The following EARS2 variants were observed in gnomAD, a reference collection of about 807,000 sequenced individuals.
EARS2 encodes the protein nondiscriminating glutamyl-tRNA synthetase EARS2, mitochondrial.
Under a neutral mutation model 54.1 loss-of-function variants are expected in EARS2, and 50 were observed. The ratio of observed to expected loss-of-function variants is 0.92; its 90% CI spans 0.74 to 1.17. EARS2 has a LOEUF of 1.17. Among genes scored for constraint, EARS2 ranks in the 50% most tolerant of loss-of-function variants. EARS2 has a pLI of 0.00. For missense variants in EARS2, 673 were observed against 675.0 expected (o/e 1.00, Z 0.03); for synonymous variants, 298 against 281.0 (o/e 1.06, Z -0.61).
At chr16:23,536,682 C>CTTTTTTTTTTT (rs953231916) in intron 3 of EARS2, among the ~76,000 whole-genome samples, 3 of 113,490 alleles carry the variant, frequency 2.6e-5, no homozygotes, top group Non-Finnish European at 3.8e-5. Context: ...CTTTTTTTTT[C>CTTTTTTTTTTT]TTTTTTTTTT....
intron 2 of EARS2, among the ~76,000 whole-genome samples, chr16:23,546,052 G>C (rs558424224): frequency 2.8e-4 from 43 of 152,328 alleles, no homozygotes; most frequent in African/African-American, 1.0e-3. Flanking sequence ...CTCCTGTGCA[G>C]AGGGAATTGT....
At chr16:23,526,742 G>A (rs2142161313) in intron 7 of EARS2, among the ~76,000 whole-genome samples, 2 of 152,196 alleles carry the variant, frequency 1.3e-5, no homozygotes, top group East Asian at 3.9e-4. Flanking sequence ...AAGCCTCTAG[G>A]ATTCCAGCGG....
At position 23,524,432 on chromosome 16, in the gene EARS2, A is replaced by T. The variant is rs774841172; in HGVS notation, c.1511T>A (p.Met504Lys). The change falls in exon 9 of 9, where the codon ATG becomes AAG. Residue 504 changes from methionine to lysine, a missense_variant. Met to Lys is a moderately conservative substitution (Grantham distance 95, BLOSUM62 -1). Coordinates refer to ENST00000449606, the MANE Select transcript of EARS2 (RefSeq NM_001083614.2). ...TTCCTTTGGTCCCAAGGCCAACATC[A>T]TCTCAGCTACAGGAGGTCCTTGCTA... ...GQQQGPPVAE[M>K]MLALGPKEVR... The T allele has an allele frequency of 4.3e-6, 7 of 1,614,110 alleles. No homozygotes were observed. Among genetic ancestry groups the T allele is most frequent in the South Asian group, 1.1e-5 (1 of 91,086 alleles).
At position 23,538,429 on chromosome 16, in the gene EARS2, G is replaced by A. The variant is rs559919892; in HGVS notation, c.486-3069C>T. Among the ~76,000 whole-genome samples the A allele has an allele frequency of 1.5e-4, 22 of 151,550 alleles. No individual in the cohort carries two copies. In the East Asian group the frequency reaches 2.4e-3, roughly 16 times the overall value. ...GCTGGGATTACAGGCGTGAGCCACC[G>A]TGCCTGGCTTCTAGTTGTATTAATC... On this transcript the variant is annotated intron_variant, in intron 3 of 8. Transcript: ENST00000449606.
chr16:23,552,127 A>G, intron 2 of EARS2, 22 bp downstream of exon 2: 3 of 1,608,798 alleles, frequency 1.9e-6, no homozygotes, highest in Non-Finnish European at 2.6e-6. Flanking sequence ...CTGCAGAAAG[A>G]TCCTTTCTCT....
At position 23,557,313 on chromosome 16, in the gene EARS2, G is replaced by C. The variant is rs370900642; in HGVS notation, c.31C>G (p.Arg11Gly). Reference sequence around the variant, plus strand: ...CCAGAGGCCGCCGAAGGCCTCTCGCGCTGCAGCAGTCTCCTCAGGAGCGCC... The same window carrying C: ...CCAGAGGCCGCCGAAGGCCTCTCGCCCTGCAGCAGTCTCCTCAGGAGCGCC... Reference protein sequence around the residue: MAALLRRLLQRERPSAASGRP... With the variant: MAALLRRLLQGERPSAASGRP... The change falls in exon 1 of 9, where the codon CGC (arginine) becomes GGC (glycine). Residue 11 changes from arginine to glycine, a missense_variant. Transcript: ENST00000449606. The C allele has an allele frequency of 2.0e-6, 3 of 1,524,524 alleles. 1 individual carries two copies. In the South Asian group the frequency reaches 3.6e-5, roughly 18 times the overall value. The allele number at this position is 1,524,524 out of a possible 1,614,324, so 94.4% of individuals were successfully genotyped here. A position where few individuals can be genotyped will look rare whatever the true frequency, so the allele number is the denominator to read the frequency against.
chr16:23,524,625 G>A (rs1302863973), intron 8 of EARS2, among the ~76,000 whole-genome samples, 171 bp from the exon 9 acceptor site: 2 of 147,304 alleles, frequency 1.4e-5, no homozygotes, highest in Non-Finnish European at 3.0e-5. Flanking sequence ...CTAAGAGCCT[G>A]TTTCTCCTCC....
intron 3 of EARS2, among the ~76,000 whole-genome samples, chr16:23,542,321 T>C (rs1349127749): frequency 4.1e-5 from 5 of 123,098 alleles, no homozygotes; most frequent in African/African-American, 1.6e-4. Flanking sequence ...TTTTTCTTTT[T>C]TTTTTTTTTT....
At chr16:23,524,504 G>C in intron 8 of EARS2, 50 bp from the exon 9 acceptor site, 3 of 1,516,182 alleles carry the variant, frequency 2.0e-6, no homozygotes, top group Non-Finnish European at 2.8e-6. Flanking sequence ...ACAGCCTAAA[G>C]AACTGAAGCT....
chr16:23,537,480 G>A (rs7199108), intron 3 of EARS2: 112,463 of 152,198 alleles, frequency 0.74, 42,062 homozygotes, highest in Non-Finnish European at 0.81. Flanking sequence ...GAGATTATTG[G>A]ATGGATCTCA....
chr16:23,528,478 G>A (rs923394338), intron 7 of EARS2, among the ~76,000 whole-genome samples: 1 of 152,254 alleles, frequency 6.6e-6, no homozygotes, highest in Non-Finnish European at 1.5e-5. Context: ...AGGATTTCTA[G>A]TGATCTGGCA....
rs1965217771 is a variant in EARS2, at chr16:23,525,841, CAA to C, written c.1353-464_1353-463del. On this transcript the variant is annotated intron_variant, in intron 7 of 8. Transcript: ENST00000449606. ...TAAAACCCCATCTCTACTAAAAATA[CAA>C]AAATATTAGCCAGGGATGGTGGCGG... 2.0e-5 allele frequency among the ~76,000 whole-genome samples: 3 copies of C among 151,704 alleles called. No individual in the cohort carries two copies. The South Asian group carries it at 6.3e-4, about 32-fold the overall frequency.
chr16:23,525,130 T>C (rs1388766560), intron 8 of EARS2, 114 bp downstream of exon 8: 1 of 1,410,678 alleles, frequency 7.1e-7, no homozygotes. Flanking sequence ...GGAGTGATCA[T>C]GTTTCATTCA....
chr16:23,535,848 T>G (rs1279145944), intron 3 of EARS2, among the ~76,000 whole-genome samples: 2 of 152,146 alleles, frequency 1.3e-5, no homozygotes, highest in Non-Finnish European at 2.9e-5. Context: ...CCCACTTCTG[T>G]CCTCTTTGGA....
chr16:23,530,148 G>T (rs930638312), intron 5 of EARS2, among the ~76,000 whole-genome samples: 3 of 152,140 alleles, frequency 2.0e-5, no homozygotes, highest in African/African-American at 7.2e-5. Context: ...GTTTTTGTTT[G>T]AGAGTCTTGC....
intron 7 of EARS2, among the ~76,000 whole-genome samples, chr16:23,526,002 T>A (rs371375739): frequency 1.8e-3 from 259 of 142,100 alleles, no homozygotes; most frequent in Non-Finnish European, 2.1e-3. Context: ...TGTTTCAAAA[T>A]AAAAAAAAAA....
In EARS2 at chr16:23,521,412, TTTTTA is replaced by T. The variant is rs1965140990; in HGVS notation, c.*2954_*2958del. On this transcript the variant is annotated 3_prime_UTR_variant, in exon 9 of 9. Transcript: ENST00000449606. ...TAACTTTATTTTATTCATTTTTTTT[TTTTTA>T]GACACAGGATCTTGCTCTGTTGCCC... Among the ~76,000 whole-genome samples the T allele has an allele frequency of 6.6e-6, 1 of 152,138 alleles. No homozygotes were observed. The highest frequency in any genetic ancestry group is 1.5e-5 in the Non-Finnish European group (1 of 68,032).
At chr16:23,538,969 C>T (rs1202913765) in intron 3 of EARS2, among the ~76,000 whole-genome samples, 3 of 138,828 alleles carry the variant, frequency 2.2e-5, no homozygotes, top group Admixed American at 8.8e-5. Context: ...TTATGGCCCC[C>T]CTCCTTTTTT....
chr16:23,538,973 C>CTTTT (rs34153998), intron 3 of EARS2, among the ~76,000 whole-genome samples: 1 of 83,844 alleles, frequency 1.2e-5, no homozygotes, highest in Non-Finnish European at 2.3e-5. Context: ...GGCCCCCCTC[C>CTTTT]TTTTTTTTTT....
Sources: gnomAD v4.1 joint callset for allele counts (sites outside exome capture counted in the v4.1 genomes callset) on GRCh38, gnomAD v4.1.1 for gene constraint, MANE v1.5 for transcripts, NCBI Gene and HGNC (gene_info 2026-07-23, HGNC 2026-07-21) for gene names.